Variants in OR52N2 observed in about 807,000 individuals in gnomAD.
The protein encoded by OR52N2 is olfactory receptor family 52 subfamily N member 2.
For missense variants in OR52N2, 326 were observed against 196.6 expected (o/e 1.66, Z -3.94); for synonymous variants, 129 against 72.0 (o/e 1.79, Z -4.01).
At chr11:5,814,002 T>C (rs2134241210) in intron 1 of OR52N2, among the ~76,000 whole-genome samples, 1 of 152,280 alleles carries the variant, frequency 6.6e-6, no homozygotes, top group African/African-American at 2.4e-5. Context: ...TCAAGTTAGA[T>C]ATTAAAGAAG....
intron 1 of OR52N2, among the ~76,000 whole-genome samples, chr11:5,815,415 G>T (rs1050096862): frequency 6.6e-6 from 1 of 151,862 alleles, no homozygotes; most frequent in Non-Finnish European, 1.5e-5. Flanking sequence ...AATGGGCAAA[G>T]GATTAGAATA....
intron 1 of OR52N2, among the ~76,000 whole-genome samples, chr11:5,813,527 TA>T (rs1169424884): frequency 6.6e-6 from 1 of 151,926 alleles, no homozygotes; most frequent in African/African-American, 2.4e-5. Context: ...GAATCAGTAA[TA>T]AAAAATCTCC....
chr11:5,814,265 A>T (rs1846385227), intron 1 of OR52N2, among the ~76,000 whole-genome samples: 1 of 152,260 alleles, frequency 6.6e-6, no homozygotes, highest in Non-Finnish European at 1.5e-5. Context: ...AACCCTAAAG[A>T]TTCCACAAAA....
At chr11:5,810,323 T>C (rs1846349876) in intron 1 of OR52N2, among the ~76,000 whole-genome samples, 1 of 152,196 alleles carries the variant, frequency 6.6e-6, no homozygotes, top group Admixed American at 6.5e-5. Context: ...CAGATGTATA[T>C]CATAAAATTG....
chr11:5,820,894 G>C lies in OR52N2; in HGVS notation c.559G>C (p.Ala187Pro), dbSNP rs574727948. Residue 187 changes from alanine (A) to proline (P), a missense_variant, in exon 2 of 2, where the codon GCC becomes CCC. Coordinates refer to ENST00000317037, the MANE Select transcript of OR52N2 (RefSeq NM_001005174.3). ...CACCTACTGTGACCATATGTCTGTG[G>C]CCAAGGTATCCTGTGGCAATTTCAA... ...PHTYCDHMSV[A>P]KVSCGNFKVN... 6.4e-6 allele frequency: 5 copies of C among 781,016 alleles called. No homozygotes were observed. In the South Asian group the frequency reaches 6.7e-5, roughly 10 times the overall value. 48.4% of individuals were successfully genotyped at this position (781,016 alleles called of 1,614,324 possible).
At chr11:5,815,365 C>G (rs923811193) in intron 1 of OR52N2, among the ~76,000 whole-genome samples, 1 of 151,854 alleles carries the variant, frequency 6.6e-6, no homozygotes, top group Non-Finnish European at 1.5e-5. Flanking sequence ...ATATATAGAG[C>G]TCCTAAACCT....
Position 5,820,476 on chromosome 11 carries a change from CA to C in OR52N2, c.142del (p.Ile48SerfsTer62). The C allele has an allele frequency of 1.3e-6, 1 of 779,278 alleles. No individual in the cohort carries two copies. Among genetic ancestry groups the C allele is most frequent in the South Asian group, 1.3e-5 (1 of 74,302 alleles). The allele number at this position is 779,278 out of a possible 1,614,324, so 48.3% of individuals were successfully genotyped here. A position where few individuals can be genotyped will look rare whatever the true frequency, so the allele number is the denominator to read the frequency against. On this transcript the variant is annotated frameshift_variant, in exon 2 of 2. Transcript: ENST00000317037. LOFTEE classifies it low-confidence loss of function (END_TRUNC). Reference protein sequence around the residue: ...IIAVVGNCGLICLISHEEALH... With the variant: ...IIAVVGNCGLXCLISHEEALH... ...TTGCTGTCGTGGGGAACTGTGGGCT[CA>C]TCTGCCTCATCAGCCATGAGGAGGC...
intron 1 of OR52N2, among the ~76,000 whole-genome samples, chr11:5,817,762 T>C (rs965215867): frequency 1.3e-5 from 2 of 152,146 alleles, no homozygotes; most frequent in Non-Finnish European, 2.9e-5. Context: ...TAAACTTCAA[T>C]AACATTTCTA....
intron 1 of OR52N2, among the ~76,000 whole-genome samples, chr11:5,811,172 G>C (rs1363112081): frequency 2.6e-5 from 4 of 151,882 alleles, no homozygotes; most frequent in Admixed American, 2.6e-4. Flanking sequence ...ATTACTACCA[G>C]ACCTGCCTTA....
At chr11:5,812,707 A>G (rs531516731) in intron 1 of OR52N2, among the ~76,000 whole-genome samples, 1 of 152,132 alleles carries the variant, frequency 6.6e-6, no homozygotes, top group South Asian at 2.1e-4. Context: ...GGATGTCAAC[A>G]CCGCATTTTC....
chr11:5,812,047 G>A (rs562307663), intron 1 of OR52N2, among the ~76,000 whole-genome samples: 26 of 152,210 alleles, frequency 1.7e-4, no homozygotes, highest in African/African-American at 5.8e-4. Flanking sequence ...CATAGAGAGG[G>A]AAACAACACA....
At chr11:5,815,534 T>C (rs1314888644) in intron 1 of OR52N2, among the ~76,000 whole-genome samples, 1 of 152,062 alleles carries the variant, frequency 6.6e-6, no homozygotes, top group African/African-American at 2.4e-5. Context: ...AAAACCACCT[T>C]ACACCAATTA....
rs200896891 is a variant in OR52N2, at chr11:5,820,666, G to A, written c.331G>A (p.Gly111Arg). The A allele has an allele frequency of 3.8e-6, 3 of 791,812 alleles. No individual in the cohort carries two copies. The highest frequency in any genetic ancestry group is 7.0e-6 in the Non-Finnish European group (3 of 428,158). The allele number at this position is 791,812 out of a possible 1,614,324, so 49.0% of individuals were successfully genotyped here. Residue 111 changes from glycine (G) to arginine (R), a missense_variant, in exon 2 of 2, where the codon GGG becomes AGG. Gly to Arg is a moderately radical substitution (Grantham distance 125, BLOSUM62 -2). Transcript: ENST00000317037. ...AQMFFVHMLT[G>R]MESGVLMLMA... ...GATGTTTTTTGTCCATATGCTGACA[G>A]GGATGGAGTCTGGGGTGCTCATGCT...
intron 1 of OR52N2, among the ~76,000 whole-genome samples, chr11:5,812,762 TG>T (rs1283628095): frequency 6.6e-6 from 1 of 152,020 alleles, no homozygotes; most frequent in Non-Finnish European, 1.5e-5. Context: ...AAGGAAACAC[TG>T]GACTTGAACT....
chr11:5,821,154 C>G lies in OR52N2; in HGVS notation c.819C>G (p.Asn273Lys), dbSNP rs62621415. 0.052 allele frequency: 40,664 copies of G among 780,944 alleles called. 1,305 individuals carry two copies. Among genetic ancestry groups the G allele is most frequent in the African/African-American group, 0.078 (4,600 of 59,202 alleles). The allele number at this position is 780,944 out of a possible 1,614,324, so 48.4% of individuals were successfully genotyped here. A position where few individuals can be genotyped will look rare whatever the true frequency, so the allele number is the denominator to read the frequency against. The change falls in exon 2 of 2, where the codon AAC becomes AAG. Residue 273 changes from asparagine (N) to lysine (K), a missense_variant. Coordinates refer to ENST00000317037, the MANE Select transcript of OR52N2 (RefSeq NM_001005174.3). ...GTTTTGTAGGACACAATATCCCAAA[C>G]CACATACACATCATCGTGGCCAACC... ...THRFVGHNIP[N>K]HIHIIVANLY...
At chr11:5,815,456 A>G (rs994292895) in intron 1 of OR52N2, among the ~76,000 whole-genome samples, 2 of 152,126 alleles carry the variant, frequency 1.3e-5, no homozygotes, top group African/African-American at 4.8e-5. Flanking sequence ...ATACAAATGG[A>G]TAATAAACAC....
chr11:5,821,271 A>C lies in OR52N2; in HGVS notation c.936A>C (p.Gly312=), dbSNP rs1477905371. The change falls in exon 2 of 2, where the codon GGA becomes GGC. Residue 312 remains glycine, a synonymous_variant. Coordinates refer to ENST00000317037, the MANE Select transcript of OR52N2 (RefSeq NM_001005174.3). ...AAGGTGTAATTAAATTTTTACTTGG[A>C]GACAAGGTTAGTTTTACCTATGACA... The part of the protein sequence containing the change: ...IQEGVIKFLL[G]DKVSFTYDK 6 of 780,324 alleles carry C rather than the reference A, an allele frequency of 7.7e-6. No individual in the cohort carries two copies. The highest frequency in any genetic ancestry group is 1.2e-5 in the Non-Finnish European group (5 of 417,988). The allele number at this position is 780,324 out of a possible 1,614,324, so 48.3% of individuals were successfully genotyped here. A position where few individuals can be genotyped will look rare whatever the true frequency, so the allele number is the denominator to read the frequency against.
chr11:5,810,228 T>G (rs73394317), intron 1 of OR52N2, among the ~76,000 whole-genome samples: 5,378 of 152,256 alleles, frequency 0.035, 297 homozygotes, highest in African/African-American at 0.12. Flanking sequence ...GTGTCTATGC[T>G]AGGGACTGGA....
chr11:5,821,046 C>G lies in OR52N2; in HGVS notation c.711C>G (p.His237Gln), dbSNP rs532841266. 3.8e-5 allele frequency: 30 copies of G among 781,008 alleles called. No individual in the cohort carries two copies. Among genetic ancestry groups the G allele is most frequent in the South Asian group, 3.5e-4 (26 of 74,620 alleles). 48.4% of individuals were successfully genotyped at this position (781,008 alleles called of 1,614,324 possible). The change falls in exon 2 of 2, where the codon CAC becomes CAG. Residue 237 changes from histidine (H) to glutamine (Q), a missense_variant. By Grantham distance (24) the His-to-Gln change is conservative (BLOSUM62 0). Transcript: ENST00000317037. ...GCCTGTCATCAGCAGATGCTCGTCA[C>G]AAAGCCTTCAGCACCTGCACATCTC... ...VMSLSSADAR[H>Q]KAFSTCTSHM...
Sources: gnomAD v4.1 joint callset for allele counts (sites outside exome capture counted in the v4.1 genomes callset) on GRCh38, gnomAD v4.1.1 for gene constraint, MANE v1.5 for transcripts, NCBI Gene and HGNC (gene_info 2026-07-23, HGNC 2026-07-21) for gene names.